Variants in ATP6V1C2 observed in about 807,000 individuals in gnomAD.
The protein encoded by ATP6V1C2 is V-type proton ATPase subunit C 2.
A neutral mutation model predicts 56.8 loss-of-function variants in ATP6V1C2; 45 were observed. That is an observed-to-expected ratio of 0.79 (90% confidence interval 0.62 to 1.02). ATP6V1C2 has a LOEUF of 1.02. Ranked by LOEUF, ATP6V1C2 falls within the 50% of genes least tolerant of loss-of-function variation. The probability of loss-of-function intolerance (pLI) is 0.00; values close to 1 mark genes in which losing one functional copy is unlikely to be tolerated. For synonymous variants in ATP6V1C2, 220 were observed against 201.3 expected, an observed-to-expected ratio of 1.09 and a Z score of -0.79; for missense variants, 463 against 519.7, an observed-to-expected ratio of 0.89 and a Z score of 1.06.
intron 12 of ATP6V1C2, 147 bp from the exon 13 acceptor site, chr2:10,782,096 A>G (rs1322422131): frequency 1.1e-6 from 1 of 894,016 alleles, no homozygotes; most frequent in African/African-American, 1.7e-5. Context: ...ATCACCGCTG[A>G]CCCTAGGCAT....
At chr2:10,772,977 C>T (rs73170265) in intron 8 of ATP6V1C2, among the ~76,000 whole-genome samples, 3,985 of 152,324 alleles carry the variant, frequency 0.026, 172 homozygotes, top group African/African-American at 0.091. Flanking sequence ...GCCCAGTGAA[C>T]GGCCACAGCG....
chr2:10,783,220 T>C lies in ATP6V1C2; in HGVS notation c.1241T>C (p.Phe414Ser), dbSNP rs1197738621. Residue 414 changes from phenylalanine to serine, a missense_variant, in exon 14 of 14, where the codon TTT becomes TCT. Phe to Ser is a radical substitution (Grantham distance 155). Transcript: ENST00000272238. ...PGLQLNNQDY[F>S]PYVYFHIDLS... ...CTGCAACTCAATAACCAAGACTATT[T>C]TCCTTATGTCTACTTCCATATTGAC... The C allele has an allele frequency of 1.9e-6, 3 of 1,613,866 alleles. No individual in the cohort carries two copies. The highest frequency in any genetic ancestry group is 2.5e-6 in the Non-Finnish European group (3 of 1,179,852).
rs184311672 is a variant in ATP6V1C2 at position 10,751,238 on chromosome 2, C to T, written c.198-2743C>T. Among the ~76,000 whole-genome samples, 379 of 152,154 alleles carry T rather than the reference C, an allele frequency of 2.5e-3. 3 individuals carry two copies. Among genetic ancestry groups the T allele is most frequent in the Non-Finnish European group, 3.5e-3 (236 of 68,000 alleles). ...ACTGGGAGGGAACCAGACTCTCCCT[C>T]CTTCTGATCTCCTGCCAAATCTACC... is the stretch of plus-strand genomic sequence containing the variant. On this transcript the variant is annotated intron_variant, in intron 3 of 13. Coordinates refer to ENST00000272238, the MANE Select transcript of ATP6V1C2 (RefSeq NM_001039362.2).
At chr2:10,767,159 CTTTTT>C (rs33943682) in intron 5 of ATP6V1C2, among the ~76,000 whole-genome samples, 1 of 109,330 alleles carries the variant, frequency 9.1e-6, no homozygotes, top group African/African-American at 3.5e-5. Flanking sequence ...CATTTTTTAT[CTTTTT>C]TTTTTTTTTT....
rs771427935 is a variant in ATP6V1C2, at chr2:10,783,271, A to C, written c.*8A>C. ...CTTAGTCTTCTTGACTAGAAAGGCC[A>C]GCTGGCACCTCTGTCTCATGTTCGT... On this transcript the variant is annotated 3_prime_UTR_variant, in exon 14 of 14. Transcript: ENST00000272238. 6.3e-7 allele frequency: 1 copy of C among 1,585,554 alleles called. No homozygotes were observed. The highest frequency in any genetic ancestry group is 1.1e-5 in the South Asian group (1 of 90,392).
chr2:10,764,841 C>G (rs190307845), intron 5 of ATP6V1C2, among the ~76,000 whole-genome samples: 1 of 152,172 alleles, frequency 6.6e-6, no homozygotes, highest in South Asian at 2.1e-4. Flanking sequence ...CGTGGTGGCG[C>G]ACACCTGTAG....
At chr2:10,757,807 C>T (rs547172429) in intron 4 of ATP6V1C2, among the ~76,000 whole-genome samples, 17 of 152,246 alleles carry the variant, frequency 1.1e-4, no homozygotes, top group African/African-American at 2.9e-4. Flanking sequence ...TCTTTGAGCC[C>T]GTCTGTTTTA....
chr2:10,745,632 C>G (rs148586990), intron 3 of ATP6V1C2, among the ~76,000 whole-genome samples: 1 of 152,146 alleles, frequency 6.6e-6, no homozygotes, highest in African/African-American at 2.4e-5. Flanking sequence ...TGAGCCACCA[C>G]GCCCGGCCAA....
chr2:10,752,297 A>G (rs763560859), intron 3 of ATP6V1C2, among the ~76,000 whole-genome samples: 1 of 152,164 alleles, frequency 6.6e-6, no homozygotes, highest in African/African-American at 2.4e-5. Context: ...TGCTTTTATC[A>G]GGGTGTCCCG....
intron 4 of ATP6V1C2, among the ~76,000 whole-genome samples, 184 bp from the exon 5 acceptor site, chr2:10,764,147 C>G (rs138587731): frequency 1.0e-3 from 153 of 152,328 alleles, no homozygotes; most frequent in African/African-American, 3.6e-3. Flanking sequence ...ACAGCTCCCA[C>G]TGGCTCACAG....
chr2:10,757,138 G>A (rs1663606931), intron 4 of ATP6V1C2, among the ~76,000 whole-genome samples: 2 of 149,770 alleles, frequency 1.3e-5, no homozygotes, highest in Admixed American at 1.4e-4. Flanking sequence ...TCGCCCTCCA[G>A]AGTAGCTGGG....
Position 10,784,405 on chromosome 2 carries a change from G to T in ATP6V1C2, c.*1142G>T. On this transcript the variant is annotated 3_prime_UTR_variant, in exon 14 of 14. Coordinates refer to ENST00000272238, the MANE Select transcript of ATP6V1C2 (RefSeq NM_001039362.2). ...GGTCAACATCTCATTTTATGGAAGA[G>T]CGACTCTCTGGAGCTACTCCTGCTA... 1 of 1,101,534 alleles carries T rather than the reference G, an allele frequency of 9.1e-7. No homozygotes were observed. Among genetic ancestry groups the T allele is most frequent in the Non-Finnish European group, 1.3e-6 (1 of 746,836 alleles). The allele number at this position is 1,101,534 out of a possible 1,614,324, so 68.2% of individuals were successfully genotyped here. A position where few individuals can be genotyped will look rare whatever the true frequency, so the allele number is the denominator to read the frequency against.
At chr2:10,768,196 G>A (rs940230363) in intron 5 of ATP6V1C2, 7 of 154,890 alleles carry the variant, frequency 4.5e-5, no homozygotes, top group Non-Finnish European at 8.6e-5. Context: ...CATTATCCCC[G>A]CTGTGGAACA....
upstream of ATP6V1C2, chr2:10,721,546 C>A (rs1661352801): frequency 6.6e-6 from 1 of 152,136 alleles, no homozygotes; most frequent in African/African-American, 2.4e-5. Flanking sequence ...AGGCGGGAGG[C>A]GGACGGCCCG....
rs1432192751 is a variant in ATP6V1C2 at position 10,784,993 on chromosome 2, C to A, written c.*1730C>A. On this transcript the variant is annotated 3_prime_UTR_variant, in exon 14 of 14. Transcript: ENST00000272238. ...ACGATGGTAGGGAAAGCCCCGCCTCCTACAGGTGCCGTGGAGCCACGCCCA... is the reference window on the plus strand; with the variant it reads ...ACGATGGTAGGGAAAGCCCCGCCTCATACAGGTGCCGTGGAGCCACGCCCA... The A allele has an allele frequency of 6.3e-7, 1 of 1,587,418 alleles. No individual in the cohort carries two copies.
chr2:10,723,195 G>A (rs969466297), intron 2 of ATP6V1C2, among the ~76,000 whole-genome samples: 24 of 152,270 alleles, frequency 1.6e-4, no homozygotes, highest in African/African-American at 5.5e-4. Flanking sequence ...TGTAGATGCA[G>A]CCACAGGAAG....
chr2:10,758,385 A>G (rs1663677034), intron 4 of ATP6V1C2, among the ~76,000 whole-genome samples: 1 of 152,156 alleles, frequency 6.6e-6, no homozygotes, highest in Non-Finnish European at 1.5e-5. Context: ...TCATTTGTTG[A>G]ACGGGCTTTA....
intron 3 of ATP6V1C2, among the ~76,000 whole-genome samples, chr2:10,742,318 C>T (rs986421316): frequency 6.6e-6 from 1 of 152,186 alleles, no homozygotes; most frequent in Non-Finnish European, 1.5e-5. Flanking sequence ...TAGACTTGCC[C>T]TCAGGATCCT....
At chr2:10,748,392 A>G (rs1254709440) in intron 3 of ATP6V1C2, among the ~76,000 whole-genome samples, 6 of 152,078 alleles carry the variant, frequency 3.9e-5, no homozygotes, top group Non-Finnish European at 5.9e-5. Context: ...CATGTGTATG[A>G]TGTTAACTTT....
Sources: allele counts gnomAD v4.1 joint callset (sites outside exome capture counted in the v4.1 genomes callset), GRCh38; gene constraint gnomAD v4.1.1; transcripts MANE v1.5; gene names NCBI Gene and HGNC (gene_info 2026-07-23, HGNC 2026-07-21).